Variants in FOXJ3 observed in about 807,000 individuals in gnomAD.
The protein encoded by FOXJ3 is forkhead box J3.
A neutral mutation model predicts 76.1 loss-of-function variants in FOXJ3; 22 were observed. The observed-to-expected ratio is 0.29, with a 90% CI of 0.21 to 0.41. FOXJ3 has a LOEUF of 0.41. Ranked by LOEUF, FOXJ3 falls within the 10% of genes least tolerant of loss-of-function variation. The pLI is 1.00. For missense variants in FOXJ3, 613 were observed against 762.1 expected (o/e 0.80, Z 2.30); for synonymous variants, 269 against 261.2 (o/e 1.03, Z -0.29).
intron 4 of FOXJ3, among the ~76,000 whole-genome samples, chr1:42,237,086 T>C (rs1177086612): frequency 6.6e-6 from 1 of 152,070 alleles, no homozygotes; most frequent in Admixed American, 6.6e-5. Flanking sequence ...GAATATAGGC[T>C]ATTTCTGGGC....
chr1:42,209,395 T>C (rs1239464000), intron 5 of FOXJ3, among the ~76,000 whole-genome samples: 1 of 152,220 alleles, frequency 6.6e-6, no homozygotes, highest in African/African-American at 2.4e-5. Context: ...GAACTTTTTT[T>C]CCTAGAAGCA....
At chr1:42,283,037 G>GTA (rs1269190421) in intron 2 of FOXJ3, among the ~76,000 whole-genome samples, 1 of 152,116 alleles carries the variant, frequency 6.6e-6, no homozygotes, top group Middle Eastern at 3.2e-3. Flanking sequence ...GAAAGTAAGG[G>GTA]TACTCATAGG....
At chr1:42,275,485 C>G (rs10890189) in intron 3 of FOXJ3, among the ~76,000 whole-genome samples, 105,758 of 151,798 alleles carry the variant, frequency 0.7, 37,586 homozygotes, top group Admixed American at 0.79. Flanking sequence ...CACTTGAGGC[C>G]AAGACCAGTC....
At chr1:42,200,532 G>T (rs1483102693) in intron 6 of FOXJ3, among the ~76,000 whole-genome samples, 4 of 152,136 alleles carry the variant, frequency 2.6e-5, no homozygotes, top group Non-Finnish European at 5.9e-5. Flanking sequence ...AGGCTGGAGT[G>T]CAATGGTGCG....
chr1:42,319,336 A>C (rs1655301975), intron 1 of FOXJ3, among the ~76,000 whole-genome samples: 1 of 152,248 alleles, frequency 6.6e-6, no homozygotes, highest in Admixed American at 6.5e-5. Flanking sequence ...AATAAAAAGG[A>C]ATAAATGTTA....
chr1:42,281,449 A>T (rs1265897202), intron 2 of FOXJ3, among the ~76,000 whole-genome samples: 1 of 152,032 alleles, frequency 6.6e-6, no homozygotes, highest in Non-Finnish European at 1.5e-5. Flanking sequence ...GAAGATTTAA[A>T]TAGACTGGAA....
At chr1:42,293,777 C>G (rs751852244) in intron 2 of FOXJ3, among the ~76,000 whole-genome samples, 1 of 152,146 alleles carries the variant, frequency 6.6e-6, no homozygotes, top group Non-Finnish European at 1.5e-5. Flanking sequence ...ATGCTTTGTG[C>G]TTTTTAACAT....
At chr1:42,249,004 T>C (rs925059797) in intron 4 of FOXJ3, among the ~76,000 whole-genome samples, 1 of 152,080 alleles carries the variant, frequency 6.6e-6, no homozygotes, top group African/African-American at 2.4e-5. Flanking sequence ...CATGTGGTGT[T>C]TGGTTTTCTG....
intron 7 of FOXJ3, among the ~76,000 whole-genome samples, chr1:42,197,234 G>A (rs921622056): frequency 3.3e-5 from 5 of 152,104 alleles, no homozygotes; most frequent in African/African-American, 7.2e-5. Context: ...CAGGCATGGT[G>A]GCTCATGCCT....
At chr1:42,294,576 T>C (rs1272599172) in intron 2 of FOXJ3, among the ~76,000 whole-genome samples, 1 of 151,984 alleles carries the variant, frequency 6.6e-6, no homozygotes, top group Admixed American at 6.6e-5. Flanking sequence ...CTGGCCAACA[T>C]GGCGAAACCC....
chr1:42,228,796 G>C (rs1647811851), intron 4 of FOXJ3, among the ~76,000 whole-genome samples: 1 of 152,086 alleles, frequency 6.6e-6, no homozygotes, highest in South Asian at 2.1e-4. Context: ...GCATGAAAGA[G>C]GGGAGTTCAA....
chr1:42,328,461 C>G (rs948053194), intron 1 of FOXJ3, among the ~76,000 whole-genome samples: 15 of 152,136 alleles, frequency 9.9e-5, no homozygotes, highest in African/African-American at 3.6e-4. Flanking sequence ...ACTATTTCAT[C>G]AATTGATGAT....
chr1:42,187,776 G>A (rs1195343997), intron 11 of FOXJ3, among the ~76,000 whole-genome samples: 1 of 152,230 alleles, frequency 6.6e-6, no homozygotes, highest in South Asian at 2.1e-4. Flanking sequence ...AGGCCCTTGT[G>A]TGGATGTAAT....
intron 3 of FOXJ3, among the ~76,000 whole-genome samples, chr1:42,267,339 C>T (rs1030827846): frequency 1.3e-5 from 2 of 151,928 alleles, no homozygotes; most frequent in Non-Finnish European, 2.9e-5. Flanking sequence ...AAAATCCTAC[C>T]GCACCCTCTC....
intron 4 of FOXJ3, among the ~76,000 whole-genome samples, chr1:42,234,473 G>A (rs914553023): frequency 5.3e-5 from 8 of 152,054 alleles, no homozygotes; most frequent in South Asian, 4.2e-4. Flanking sequence ...GAGGAGAGGC[G>A]CTCTGATTTT....
chr1:42,193,853 G>A (rs1646598669), intron 8 of FOXJ3, among the ~76,000 whole-genome samples: 3 of 152,160 alleles, frequency 2.0e-5, no homozygotes, highest in Admixed American at 2.0e-4. Flanking sequence ...TAAGAAGTGG[G>A]ACCTTTAGGA....
intron 4 of FOXJ3, among the ~76,000 whole-genome samples, chr1:42,259,601 T>G (rs969908261): frequency 2.0e-5 from 3 of 152,216 alleles, no homozygotes; most frequent in Non-Finnish European, 4.4e-5. Flanking sequence ...TCTCCCTGAA[T>G]CAGACTCTCA....
Position 42,280,438 on chromosome 1 carries a change from TA to T in FOXJ3, c.45-1767del, listed in dbSNP as rs71065112. The T allele has an allele frequency of 7.5e-3, 578 of 77,528 alleles. 1 individual carries two copies. Among genetic ancestry groups the T allele is most frequent in the African/African-American group, 0.021 (294 of 14,264 alleles). 4.8% of individuals were successfully genotyped at this position (77,528 alleles called of 1,614,324 possible). ...ATCCATATAGCATCTTCAGAGATCT[TA>T]AAAAAAAAAAAAAAAAAAAAAAAAA... On this transcript the variant is annotated intron_variant, in intron 2 of 12. Coordinates refer to ENST00000361346, the MANE Select transcript of FOXJ3 (RefSeq NM_014947.5).
chr1:42,241,734 T>C (rs570870868), intron 4 of FOXJ3, among the ~76,000 whole-genome samples: 84 of 152,294 alleles, frequency 5.5e-4, no homozygotes, highest in African/African-American at 1.9e-3. Context: ...ACCCATGCTG[T>C]CCAGGGGAAT....
Sources: allele counts gnomAD v4.1 joint callset (sites outside exome capture counted in the v4.1 genomes callset), GRCh38; gene constraint gnomAD v4.1.1; transcripts MANE v1.5; gene names NCBI Gene and HGNC (gene_info 2026-07-23, HGNC 2026-07-21).